Variants in TAF2 observed in about 807,000 individuals in gnomAD.
TAF2 encodes the protein transcription initiation factor TFIID subunit 2.
TAF2 carries 61 observed loss-of-function variants against 138.5 expected under a neutral mutation model. That is an observed-to-expected ratio of 0.44 (90% CI 0.36 to 0.54). The LOEUF (loss-of-function observed/expected upper bound fraction) is 0.54, where lower values mean the gene tolerates loss of function less well. Among genes scored for constraint, TAF2 ranks in the 20% least tolerant of loss-of-function variants. The pLI is 0.00. For missense variants in TAF2, 1,090 were observed against 1,427.9 expected, an observed-to-expected ratio of 0.76 and a Z score of 3.81; for synonymous variants, 475 against 469.9, an observed-to-expected ratio of 1.01 and a Z score of -0.14.
intron 3 of TAF2, among the ~76,000 whole-genome samples, chr8:119,813,535 G>A (rs1039464394): frequency 1.3e-4 from 20 of 152,294 alleles, no homozygotes; most frequent in African/African-American, 4.6e-4. Flanking sequence ...CAAATAGGAA[G>A]AACCATATCT....
chr8:119,825,798 C>T (rs1292717070), intron 2 of TAF2, among the ~76,000 whole-genome samples: 1 of 152,074 alleles, frequency 6.6e-6, no homozygotes, highest in Non-Finnish European at 1.5e-5. Context: ...CATTCTCCTG[C>T]CTCAGCCTCC....
chr8:119,806,374 A>T lies in TAF2; in HGVS notation c.327T>A (p.Ala109=). The change falls in exon 4 of 26, where the codon GCT becomes GCA. Residue 109 remains alanine, a synonymous_variant. Transcript: ENST00000378164. The part of the protein sequence containing the change: ...KQRNLNYFSN[A]YAAAVSAVDP... ...CCACAGCACTAACTGCAGCTGCATAAGCATTGGAAAAATAATTGAGGTTTC... is the reference window on the plus strand; with the variant it reads ...CCACAGCACTAACTGCAGCTGCATATGCATTGGAAAAATAATTGAGGTTTC... 6.2e-7 allele frequency: 1 copy of T among 1,614,062 alleles called. No individual in the cohort carries two copies. The highest frequency in any genetic ancestry group is 8.5e-7 in the Non-Finnish European group (1 of 1,179,962).
chr8:119,773,339 T>C (rs1563856505), intron 18 of TAF2, among the ~76,000 whole-genome samples: 1 of 151,586 alleles, frequency 6.6e-6, no homozygotes, highest in Non-Finnish European at 1.5e-5. Flanking sequence ...AAGTTAAAAG[T>C]TGATATACTT....
At chr8:119,746,388 A>AG (rs1819972794) in intron 23 of TAF2, among the ~76,000 whole-genome samples, 1 of 151,498 alleles carries the variant, frequency 6.6e-6, no homozygotes, top group Non-Finnish European at 1.5e-5. Flanking sequence ...AAAAAAAAAA[A>AG]AAAAAAAAAG....
intron 22 of TAF2, among the ~76,000 whole-genome samples, chr8:119,747,219 G>A (rs113829080): frequency 0.013 from 1,939 of 152,134 alleles, 26 homozygotes; most frequent in Admixed American, 0.022. Flanking sequence ...AGCCTGTTAG[G>A]AAGACAGCCT....
intron 6 of TAF2, 23 bp from the exon 7 acceptor site, chr8:119,797,869 A>T: frequency 6.2e-7 from 1 of 1,611,376 alleles, no homozygotes; most frequent in South Asian, 1.1e-5. Flanking sequence ...AGCAAGGAAG[A>T]TCATCTAAAT....
intron 22 of TAF2, among the ~76,000 whole-genome samples, chr8:119,752,389 C>T (rs950651621): frequency 5.3e-5 from 8 of 152,176 alleles, no homozygotes; most frequent in African/African-American, 1.9e-4. Context: ...GGAGTTACTA[C>T]ACACCAAGAA....
At chr8:119,780,980 C>A in intron 17 of TAF2, 73 bp downstream of exon 17, 70 of 1,182,620 alleles carry the variant, frequency 5.9e-5, no homozygotes, top group Non-Finnish European at 7.2e-5. Context: ...GTAAACACAT[C>A]TATTATTTGA....
intron 24 of TAF2, 62 bp downstream of exon 24, chr8:119,744,226 T>C: frequency 7.2e-7 from 1 of 1,380,264 alleles, no homozygotes; most frequent in South Asian, 1.2e-5. Flanking sequence ...GTAACACACA[T>C]TAGAATACTG....
chr8:119,821,996 G>C (rs1381450948), intron 2 of TAF2, among the ~76,000 whole-genome samples: 2 of 152,004 alleles, frequency 1.3e-5, no homozygotes, highest in African/African-American at 4.8e-5. Context: ...TGTGACACGG[G>C]TGACAGAGCA....
chr8:119,831,135 G>C (rs982032095), intron 2 of TAF2, among the ~76,000 whole-genome samples: 1 of 152,038 alleles, frequency 6.6e-6, no homozygotes, highest in African/African-American at 2.4e-5. Context: ...CAAAAAACTT[G>C]AATGTTCAAG....
intron 22 of TAF2, 36 bp downstream of exon 22, chr8:119,755,970 T>C: frequency 6.9e-7 from 1 of 1,444,754 alleles, no homozygotes; most frequent in Non-Finnish European, 9.7e-7. Flanking sequence ...AATACTCTAG[T>C]AATAATAAAA....
At chr8:119,793,214 G>A in intron 10 of TAF2, 152 bp downstream of exon 10, 1 of 532,592 alleles carries the variant, frequency 1.9e-6, no homozygotes, top group Middle Eastern at 5.4e-4. Flanking sequence ...AATCTTATGA[G>A]CTTTATGAGT....
At chr8:119,805,019 C>T (rs1824521749) in intron 4 of TAF2, among the ~76,000 whole-genome samples, 1 of 152,126 alleles carries the variant, frequency 6.6e-6, no homozygotes, top group African/African-American at 2.4e-5. Flanking sequence ...GGGTAAGTTC[C>T]TCCACAAACC....
At chr8:119,806,211 T>G in intron 4 of TAF2, 72 bp downstream of exon 4, 1 of 1,275,258 alleles carries the variant, frequency 7.8e-7, no homozygotes, top group Non-Finnish European at 1.1e-6. Flanking sequence ...TCATTAGTTC[T>G]CATGTAAAAT....
At chr8:119,794,404 A>AAC (rs1823674349) in intron 9 of TAF2, among the ~76,000 whole-genome samples, 1 of 151,976 alleles carries the variant, frequency 6.6e-6, no homozygotes, top group African/African-American at 2.4e-5. Flanking sequence ...TCAAAAAAAA[A>AAC]AAAAAGCATA....
chr8:119,796,152 A>G (rs1005060533), intron 8 of TAF2, among the ~76,000 whole-genome samples: 3 of 151,808 alleles, frequency 2.0e-5, no homozygotes, highest in Admixed American at 6.6e-5. Context: ...ATACTCATCC[A>G]TCTATCCATC....
chr8:119,762,563 T>G lies in TAF2; in HGVS notation c.2410A>C (p.Asn804His). Residue 804 changes from asparagine to histidine, a missense_variant, in exon 19 of 26, where the codon AAC becomes CAC. By Grantham distance (68) the Asn-to-His change is moderately conservative. Coordinates refer to ENST00000378164, the MANE Select transcript of TAF2 (RefSeq NM_003184.4). ...ACACTGACTGCAGGTGTAACAGAGT[T>G]GGCCAGGGCATCAATCATTTCTGCA... ...YRAEMIDALA[N>H]SVTPAVSVNN... 1 of 1,613,712 alleles carries G rather than the reference T, an allele frequency of 6.2e-7. No individual in the cohort carries two copies. Among genetic ancestry groups the G allele is most frequent in the Non-Finnish European group, 8.5e-7 (1 of 1,179,810 alleles).
chr8:119,807,368 T>C (rs546989017), intron 3 of TAF2, among the ~76,000 whole-genome samples: 3 of 152,314 alleles, frequency 2.0e-5, no homozygotes, highest in Admixed American at 6.5e-5. Context: ...GGTTTTTAAA[T>C]TGTACTCCAT....
Sources: gnomAD v4.1 joint callset for allele counts (sites outside exome capture counted in the v4.1 genomes callset) on GRCh38, gnomAD v4.1.1 for gene constraint, MANE v1.5 for transcripts, NCBI Gene and HGNC (gene_info 2026-07-23, HGNC 2026-07-21) for gene names.